Variants in PPM1H observed in about 807,000 individuals in gnomAD.
PPM1H encodes protein phosphatase 1H.
In PPM1H, 27 loss-of-function variants were observed where a neutral mutation model predicts 54.9. That is an observed-to-expected ratio of 0.49 (90% CI 0.36 to 0.68). PPM1H has a LOEUF of 0.68. PPM1H is among the 30% of genes least tolerant of loss of function. PPM1H has a pLI of 0.00. For missense variants in PPM1H, 596 were observed against 667.8 expected (o/e 0.89, Z 1.19); for synonymous variants, 305 against 270.8 (o/e 1.13, Z -1.24).
At chr12:62,710,742 C>G (rs1021307057) in intron 6 of PPM1H, among the ~76,000 whole-genome samples, 7 of 152,136 alleles carry the variant, frequency 4.6e-5, no homozygotes, top group African/African-American at 1.7e-4. Flanking sequence ...CAGACCTGAT[C>G]TGACTTTAGT....
At chr12:62,800,313 T>C (rs1344802837) in intron 3 of PPM1H, among the ~76,000 whole-genome samples, 1 of 150,574 alleles carries the variant, frequency 6.6e-6, no homozygotes, top group African/African-American at 2.5e-5. Context: ...CTCATCACTT[T>C]GTAATCTCCA....
At chr12:62,655,639 A>G (rs1390524913) in intron 9 of PPM1H, among the ~76,000 whole-genome samples, 1 of 152,214 alleles carries the variant, frequency 6.6e-6, no homozygotes. Flanking sequence ...GCAGCCAAGA[A>G]GAATATGGTA....
chr12:62,790,442 C>T (rs61921190), intron 3 of PPM1H, among the ~76,000 whole-genome samples: 6,450 of 152,168 alleles, frequency 0.042, 194 homozygotes, highest in South Asian at 0.13. Context: ...TGTGGTGGCA[C>T]ATGCCTGTAG....
chr12:62,890,359 G>A (rs1474717806), intron 1 of PPM1H, among the ~76,000 whole-genome samples: 6 of 152,156 alleles, frequency 3.9e-5, no homozygotes, highest in South Asian at 2.1e-4. Context: ...TCAGGAGGCC[G>A]AAGTGGGAGG....
chr12:62,902,850 T>C (rs1402808979), intron 1 of PPM1H, among the ~76,000 whole-genome samples: 2 of 152,230 alleles, frequency 1.3e-5, no homozygotes, highest in African/African-American at 2.4e-5. Flanking sequence ...GGCCCTACTC[T>C]AGATGGAGGG....
chr12:62,849,534 A>G (rs1378256119), intron 1 of PPM1H, among the ~76,000 whole-genome samples: 1 of 152,200 alleles, frequency 6.6e-6, no homozygotes, highest in African/African-American at 2.4e-5. Flanking sequence ...CAGCTCTCAG[A>G]TCTAGAAGGA....
Position 62,648,409 on chromosome 12 carries a change from T to G in PPM1H, c.*80A>C. The G allele has an allele frequency of 6.5e-7, 1 of 1,538,712 alleles. No individual in the cohort carries two copies. Among genetic ancestry groups the G allele is most frequent in the Non-Finnish European group, 8.9e-7 (1 of 1,126,122 alleles). ...GAGACTGCATCACTTGGAACTCAGCTGGGGCACTTCCCAGTTCCGTCCTGC... is the reference window on the plus strand; with the variant it reads ...GAGACTGCATCACTTGGAACTCAGCGGGGGCACTTCCCAGTTCCGTCCTGC... On this transcript the variant is annotated 3_prime_UTR_variant, in exon 10 of 10. Transcript: ENST00000228705.
chr12:62,790,913 T>C lies in PPM1H; in HGVS notation c.757-2575A>G, dbSNP rs142163717. Among the ~76,000 whole-genome samples the C allele has an allele frequency of 6.6e-5, 10 of 152,322 alleles. No individual in the cohort carries two copies. The South Asian group carries it at 1.7e-3, about 25-fold the overall frequency. ...TGTCGTAAGGCTAAATTAGCTGGCA[T>C]GTGTGAGGGGCTTAGTAGGATATCT... On this transcript the variant is annotated intron_variant, in intron 3 of 9. Coordinates refer to ENST00000228705, the MANE Select transcript of PPM1H (RefSeq NM_020700.2).
At chr12:62,918,296 T>G (rs530298520) in intron 1 of PPM1H, among the ~76,000 whole-genome samples, 1 of 152,226 alleles carries the variant, frequency 6.6e-6, no homozygotes, top group Non-Finnish European at 1.5e-5. Context: ...CAATTTTTCA[T>G]TAACTTATTT....
chr12:62,726,084 C>T (rs1565769923), intron 5 of PPM1H, among the ~76,000 whole-genome samples: 1 of 152,172 alleles, frequency 6.6e-6, no homozygotes, highest in Non-Finnish European at 1.5e-5. Context: ...CACCACCCAC[C>T]TCCTTGCCAC....
chr12:62,890,712 G>C (rs1276939336), intron 1 of PPM1H, among the ~76,000 whole-genome samples: 1 of 123,382 alleles, frequency 8.1e-6, no homozygotes, highest in Non-Finnish European at 1.6e-5. Context: ...TTTCGTGTGT[G>C]TGTATACACA....
intron 9 of PPM1H, chr12:62,658,964 T>A (rs1343955770): frequency 1.4e-6 from 1 of 710,076 alleles, no homozygotes; most frequent in East Asian, 2.8e-5. Flanking sequence ...TCATAGAAGG[T>A]TCAAAGGCTA....
At chr12:62,907,864 C>T (rs912109302) in intron 1 of PPM1H, among the ~76,000 whole-genome samples, 1 of 152,180 alleles carries the variant, frequency 6.6e-6, no homozygotes, top group Non-Finnish European at 1.5e-5. Context: ...GTACCCTTCT[C>T]CCCCTCATGG....
In PPM1H at chr12:62,704,551, T is replaced by C. The variant is rs549402047; in HGVS notation, c.1074-10552A>G. ...GTCCTTGGAGTGTTCTTTAAATTAG[T>C]TGAAGCCTATAGGCCTTAAGCTGTG... On this transcript the variant is annotated intron_variant, in intron 6 of 9. Transcript: ENST00000228705. Among the ~76,000 whole-genome samples, 6 of 152,354 alleles carry C rather than the reference T, an allele frequency of 3.9e-5. No homozygotes were observed. The East Asian group carries it at 9.6e-4, about 24-fold the overall frequency.
At chr12:62,818,066 A>G (rs2076881340) in intron 2 of PPM1H, among the ~76,000 whole-genome samples, 1 of 152,204 alleles carries the variant, frequency 6.6e-6, no homozygotes, top group Admixed American at 6.5e-5. Flanking sequence ...TCTCAAGCCA[A>G]AAACAATCTG....
intron 1 of PPM1H, among the ~76,000 whole-genome samples, chr12:62,899,546 T>G (rs955299772): frequency 2.0e-5 from 3 of 152,218 alleles, no homozygotes; most frequent in Admixed American, 1.3e-4. Context: ...AGGATGCACT[T>G]TGACATTTTA....
chr12:62,847,289 T>C (rs1869009667), intron 1 of PPM1H, among the ~76,000 whole-genome samples: 1 of 152,224 alleles, frequency 6.6e-6, no homozygotes, highest in South Asian at 2.1e-4. Flanking sequence ...TTGGAATATC[T>C]GGGTAACCCC....
At chr12:62,744,829 C>T (rs2076401607) in intron 4 of PPM1H, among the ~76,000 whole-genome samples, 1 of 152,224 alleles carries the variant, frequency 6.6e-6, no homozygotes, top group African/African-American at 2.4e-5. Context: ...AGACACTTCT[C>T]TGCTCTGACT....
rs529161162 is a variant in PPM1H, at chr12:62,796,242, T to C, written c.756+5574A>G. On this transcript the variant is annotated intron_variant, in intron 3 of 9. Coordinates refer to ENST00000228705, the MANE Select transcript of PPM1H (RefSeq NM_020700.2). ...CCCCACATAACCAGCAAGCAATCAG[T>C]TCTGCAGAAGACACCAGCTGGGCGT... Among the ~76,000 whole-genome samples the C allele has an allele frequency of 7.2e-5, 11 of 152,220 alleles. No homozygotes were observed. In the South Asian group the frequency reaches 2.1e-3, roughly 29 times the overall value.
Sources: gnomAD v4.1 joint callset for allele counts (sites outside exome capture counted in the v4.1 genomes callset) on GRCh38, gnomAD v4.1.1 for gene constraint, MANE v1.5 for transcripts, NCBI Gene and HGNC (gene_info 2026-07-23, HGNC 2026-07-21) for gene names.